Variants in INPP4B observed in about 807,000 individuals in gnomAD.
The protein encoded by INPP4B is inositol polyphosphate 4-phosphatase type II.
A neutral mutation model predicts 122.5 loss-of-function variants in INPP4B; 55 were observed. The ratio of observed to expected loss-of-function variants is 0.45; its 90% confidence interval spans 0.36 to 0.56. The LOEUF (loss-of-function observed/expected upper bound fraction) is 0.56. INPP4B is among the 20% of genes least tolerant of loss of function. The pLI is 0.00. For synonymous variants in INPP4B, 403 were observed against 388.7 expected (o/e 1.04, Z -0.43); for missense variants, 1,000 against 1,097.7 (o/e 0.91, Z 1.26).
At chr4:142,068,713 C>T (rs966251674) in intron 25 of INPP4B, among the ~76,000 whole-genome samples, 1 of 152,074 alleles carries the variant, frequency 6.6e-6, no homozygotes, top group Admixed American at 6.6e-5. Context: ...TTTAAACCAA[C>T]AAAGATCAAA....
intron 2 of INPP4B, among the ~76,000 whole-genome samples, chr4:142,720,759 T>TATATATATATACACATATATA (rs1764464192): frequency 2.0e-5 from 1 of 50,856 alleles, no homozygotes; most frequent in Admixed American, 2.8e-4. Context: ...CATATATATA[T>TATATATATATACACATATATA]AATCTCTCTC....
chr4:142,279,683 A>T (rs1424355233), intron 9 of INPP4B, among the ~76,000 whole-genome samples: 1 of 151,950 alleles, frequency 6.6e-6, no homozygotes, highest in Non-Finnish European at 1.5e-5. Context: ...AACTGGACTT[A>T]GGTTCTTAGA....
At chr4:142,583,459 C>T (rs761322973) in intron 2 of INPP4B, 1 of 152,148 alleles carries the variant, frequency 6.6e-6, no homozygotes, top group South Asian at 2.1e-4. Context: ...AAGGTATCAA[C>T]CCAGGCCATG....
intron 3 of INPP4B, among the ~76,000 whole-genome samples, chr4:142,435,844 G>A (rs60958459): frequency 0.19 from 29,628 of 152,088 alleles, 3,626 homozygotes; most frequent in Middle Eastern, 0.31. Context: ...GAGCCATGCA[G>A]ATTCTCAACA....
chr4:142,836,891 C>T (rs556350522), intron 1 of INPP4B, among the ~76,000 whole-genome samples: 7 of 152,054 alleles, frequency 4.6e-5, no homozygotes, highest in Middle Eastern at 3.2e-3. Context: ...AGGGGCCAGG[C>T]GTGGTGGCTC....
chr4:142,655,602 G>A (rs11730175), intron 2 of INPP4B, among the ~76,000 whole-genome samples: 9,253 of 152,122 alleles, frequency 0.061, 331 homozygotes, highest in South Asian at 0.1. Flanking sequence ...ATGAGTCTAC[G>A]ATTAAGTAAC....
intron 2 of INPP4B, among the ~76,000 whole-genome samples, chr4:142,620,171 G>A (rs192650918): frequency 6.6e-5 from 10 of 151,848 alleles, no homozygotes; most frequent in Admixed American, 1.3e-4. Flanking sequence ...CTAAAGAAAC[G>A]TAAGTAGCTC....
intron 2 of INPP4B, among the ~76,000 whole-genome samples, chr4:142,711,590 A>T (rs1288046906): frequency 6.6e-6 from 1 of 152,158 alleles, no homozygotes; most frequent in Non-Finnish European, 1.5e-5. Flanking sequence ...TCACTAATAC[A>T]GTTTTAAAAA....
At chr4:142,032,138 G>T (rs188844639) in intron 25 of INPP4B, among the ~76,000 whole-genome samples, 63 of 152,236 alleles carry the variant, frequency 4.1e-4, no homozygotes, top group African/African-American at 1.5e-3. Context: ...TTTTTTCATT[G>T]AGCTAGTGCA....
chr4:142,260,627 A>G, intron 10 of INPP4B, 63 bp from the exon 11 acceptor site: 1 of 1,126,340 alleles, frequency 8.9e-7, no homozygotes, highest in East Asian at 2.5e-5. Context: ...GAATGATATT[A>G]TTTTATTTGC....
intron 5 of INPP4B, among the ~76,000 whole-genome samples, chr4:142,411,782 C>T (rs1804649696): frequency 6.6e-6 from 1 of 152,116 alleles, no homozygotes; most frequent in Non-Finnish European, 1.5e-5. Flanking sequence ...ATCCCAGCTA[C>T]TCGGGAGGCT....
chr4:142,232,153 T>C (rs560324971), intron 12 of INPP4B, among the ~76,000 whole-genome samples: 8 of 152,328 alleles, frequency 5.3e-5, no homozygotes, highest in East Asian at 3.9e-4. Flanking sequence ...AGGGCATGAA[T>C]GAGTTCATAT....
At chr4:142,099,054 C>T (rs1783348963) in intron 23 of INPP4B, among the ~76,000 whole-genome samples, 1 of 152,048 alleles carries the variant, frequency 6.6e-6, no homozygotes, top group Non-Finnish European at 1.5e-5. Flanking sequence ...CTATGTCACA[C>T]TTGTTACTAG....
intron 7 of INPP4B, among the ~76,000 whole-genome samples, chr4:142,363,809 C>T (rs980567167): frequency 9.2e-5 from 14 of 152,004 alleles, no homozygotes; most frequent in African/African-American, 3.4e-4. Flanking sequence ...CATTTGTCTT[C>T]CAACATCCAT....
At chr4:142,635,392 A>G (rs1656059287) in intron 2 of INPP4B, among the ~76,000 whole-genome samples, 1 of 152,200 alleles carries the variant, frequency 6.6e-6, no homozygotes, top group African/African-American at 2.4e-5. Context: ...ATTCTACCAT[A>G]AAGACACATG....
intron 23 of INPP4B, among the ~76,000 whole-genome samples, chr4:142,103,126 G>A (rs1785268453): frequency 6.6e-6 from 1 of 151,970 alleles, no homozygotes; most frequent in Non-Finnish European, 1.5e-5. Context: ...CCGTTAATGA[G>A]TCACAATCAT....
intron 25 of INPP4B, among the ~76,000 whole-genome samples, chr4:142,033,652 G>A (rs1049714521): frequency 2.0e-5 from 3 of 146,750 alleles, no homozygotes; most frequent in Non-Finnish European, 3.0e-5. Flanking sequence ...TATCTCCTAA[G>A]TAAGTTCTCC....
intron 2 of INPP4B, among the ~76,000 whole-genome samples, chr4:142,599,366 C>T (rs1282196614): frequency 2.0e-5 from 3 of 152,140 alleles, no homozygotes; most frequent in Non-Finnish European, 2.9e-5. Context: ...TCACCATAGC[C>T]TTCATTAATA....
intron 7 of INPP4B, among the ~76,000 whole-genome samples, chr4:142,331,913 G>C (rs181409885): frequency 6.6e-6 from 1 of 150,982 alleles, no homozygotes; most frequent in Non-Finnish European, 1.5e-5. Flanking sequence ...AAGCTGGGGG[G>C]GTGGGGGGTG....
Sources: gnomAD v4.1 joint callset for allele counts (sites outside exome capture counted in the v4.1 genomes callset) on GRCh38, gnomAD v4.1.1 for gene constraint, MANE v1.5 for transcripts, NCBI Gene and HGNC (gene_info 2026-07-23, HGNC 2026-07-21) for gene names.